Variants in EPHB1 observed in about 807,000 individuals in gnomAD.
The protein encoded by EPHB1 is ephrin type-B receptor 1.
A neutral mutation model predicts 94.4 loss-of-function variants in EPHB1; 30 were observed. The observed-to-expected ratio is 0.32, with a 90% CI of 0.24 to 0.43. The LOEUF (loss-of-function observed/expected upper bound fraction) is 0.43, where lower values mean the gene tolerates loss of function less well. Ranked by LOEUF, EPHB1 falls within the 20% of genes least tolerant of loss-of-function variation. EPHB1 has a pLI of 1.00. For missense variants in EPHB1, 1,055 were observed against 1,308.3 expected, an observed-to-expected ratio of 0.81 and a Z score of 2.99; for synonymous variants, 522 against 489.1, an observed-to-expected ratio of 1.07 and a Z score of -0.89.
chr3:134,968,960 T>C (rs1578240070), intron 3 of EPHB1, among the ~76,000 whole-genome samples: 1 of 152,224 alleles, frequency 6.6e-6, no homozygotes, highest in Admixed American at 6.5e-5. Flanking sequence ...CATTCGCTTG[T>C]TGAGGAGAGT....
intron 1 of EPHB1, among the ~76,000 whole-genome samples, chr3:134,915,648 T>C (rs546457841): frequency 2.0e-5 from 3 of 152,260 alleles, no homozygotes; most frequent in African/African-American, 7.2e-5. Context: ...GTTTCTTACT[T>C]CTGGTGGGTT....
chr3:135,113,718 G>C (rs934077333), intron 4 of EPHB1, among the ~76,000 whole-genome samples: 5 of 152,158 alleles, frequency 3.3e-5, no homozygotes, highest in African/African-American at 1.2e-4. Flanking sequence ...TGCTCAGCAG[G>C]CCAGTGATTT....
chr3:134,953,391 G>A (rs1270229408), intron 3 of EPHB1, among the ~76,000 whole-genome samples: 7 of 152,238 alleles, frequency 4.6e-5, no homozygotes, highest in African/African-American at 1.7e-4. Context: ...TACCCATGAC[G>A]GATTGTGTGG....
intron 3 of EPHB1, among the ~76,000 whole-genome samples, chr3:134,952,366 C>G (rs1476084749): frequency 1.7e-5 from 2 of 114,340 alleles, no homozygotes; most frequent in African/African-American, 4.5e-5. Context: ...CTCTCTCTCT[C>G]TCTCTCACAC....
At chr3:135,054,009 G>A (rs938227030) in intron 3 of EPHB1, among the ~76,000 whole-genome samples, 4 of 136,966 alleles carry the variant, frequency 2.9e-5, no homozygotes, top group Non-Finnish European at 6.1e-5. Context: ...ATATACATGT[G>A]CATATGTGTG....
intron 1 of EPHB1, among the ~76,000 whole-genome samples, chr3:134,884,912 AG>A (rs1479408258): frequency 6.6e-6 from 1 of 152,258 alleles, no homozygotes; most frequent in Non-Finnish European, 1.5e-5. Context: ...ATGTACATAC[AG>A]GCATGCTGGA....
intron 4 of EPHB1, among the ~76,000 whole-genome samples, chr3:135,108,437 A>T (rs1016712606): frequency 1.3e-5 from 2 of 152,214 alleles, no homozygotes; most frequent in African/African-American, 4.8e-5. Flanking sequence ...TACCTTTTGC[A>T]GCCCTGTTTA....
intron 3 of EPHB1, among the ~76,000 whole-genome samples, chr3:135,101,295 C>CT (rs1939027489): frequency 6.6e-6 from 1 of 152,162 alleles, no homozygotes; most frequent in Non-Finnish European, 1.5e-5. Context: ...TTTTCTTCTC[C>CT]CTTTGTCTTT....
intron 3 of EPHB1, among the ~76,000 whole-genome samples, chr3:135,071,752 A>G (rs1301427929): frequency 2.0e-5 from 3 of 152,180 alleles, no homozygotes; most frequent in Non-Finnish European, 4.4e-5. Flanking sequence ...CTCCAGACAT[A>G]CACTCACCTG....
intron 12 of EPHB1, among the ~76,000 whole-genome samples, chr3:135,225,190 T>A (rs1484005945): frequency 5.3e-5 from 8 of 152,194 alleles, no homozygotes; most frequent in African/African-American, 1.9e-4. Flanking sequence ...CACCCACCCT[T>A]TGCCACAGGC....
At chr3:134,841,614 C>T (rs2036779232) in intron 1 of EPHB1, 1 of 152,192 alleles carries the variant, frequency 6.6e-6, no homozygotes, top group Non-Finnish European at 1.5e-5. Flanking sequence ...TGAACACCCT[C>T]TCACTCAAAA....
chr3:134,811,799 T>A (rs976499908), intron 1 of EPHB1, among the ~76,000 whole-genome samples: 15 of 152,232 alleles, frequency 9.9e-5, no homozygotes, highest in African/African-American at 3.1e-4. Context: ...CTTTGCACCA[T>A]CTATCTTTTC....
chr3:135,208,366 G>A (rs1942956686), intron 12 of EPHB1, among the ~76,000 whole-genome samples: 1 of 151,750 alleles, frequency 6.6e-6, no homozygotes, highest in Non-Finnish European at 1.5e-5. Flanking sequence ...ATGCACACGT[G>A]TGGCCCGAAA....
rs77156996 is a variant in EPHB1, at chr3:135,189,019, T to C, written c.1883-3557T>C. Among the ~76,000 whole-genome samples the C allele has an allele frequency of 2.1e-3, 326 of 152,332 alleles. 1 individual carries two copies. The highest frequency in any genetic ancestry group is 7.5e-3 in the African/African-American group (312 of 41,574). The stretch of plus-strand genomic sequence containing the variant: ...CCATGCCCTACCCAAAGAAGGCATG[T>C]TTATATTTTATAATTTTTAAAAACT... On this transcript the variant is annotated intron_variant, in intron 10 of 15. Transcript: ENST00000398015.
chr3:135,132,817 C>A lies in EPHB1; in HGVS notation c.1065C>A (p.Thr355=), dbSNP rs372552203. 1.2e-6 allele frequency: 2 copies of A among 1,614,008 alleles called. No individual in the cohort carries two copies. Among genetic ancestry groups the A allele is most frequent in the Admixed American group, 3.3e-5 (2 of 60,020 alleles). Residue 355 remains threonine (T), a synonymous_variant, in exon 5 of 16, where the codon ACC becomes ACA. Transcript: ENST00000398015. The stretch of plus-strand genomic sequence containing the variant: ...AGACAGGTGGGCGGGATGATGTGAC[C>A]TACAACATCATCTGCAAAAAGTGCC... The part of the protein sequence containing the change: ...PRETGGRDDV[T]YNIICKKCRA...
chr3:135,102,118 G>A (rs969459635), intron 3 of EPHB1, among the ~76,000 whole-genome samples: 31 of 152,186 alleles, frequency 2.0e-4, no homozygotes, highest in African/African-American at 6.3e-4. Context: ...GAAATGATAC[G>A]AAAGCAGAGA....
chr3:134,978,290 C>T (rs1260406768), intron 3 of EPHB1, among the ~76,000 whole-genome samples: 1 of 152,192 alleles, frequency 6.6e-6, no homozygotes, highest in East Asian at 1.9e-4. Context: ...CCCCTCAGTG[C>T]ATCTTCCACA....
chr3:135,097,436 A>G (rs2107794695), intron 3 of EPHB1, among the ~76,000 whole-genome samples: 1 of 152,270 alleles, frequency 6.6e-6, no homozygotes, highest in Admixed American at 6.5e-5. Flanking sequence ...ACAGGCTGCC[A>G]TCAGGACCTC....
At chr3:134,907,682 C>A (rs2038362178) in intron 1 of EPHB1, among the ~76,000 whole-genome samples, 1 of 150,296 alleles carries the variant, frequency 6.7e-6, no homozygotes, top group Admixed American at 6.6e-5. Flanking sequence ...AGAAAGCCAG[C>A]CAGCACTGGT....
Sources: gnomAD v4.1 joint callset for allele counts (sites outside exome capture counted in the v4.1 genomes callset) on GRCh38, gnomAD v4.1.1 for gene constraint, MANE v1.5 for transcripts, NCBI Gene and HGNC (gene_info 2026-07-23, HGNC 2026-07-21) for gene names.